The following PLCL1 variants were observed in gnomAD, a reference collection of about 807,000 sequenced individuals.
The protein encoded by PLCL1 is phospholipase C like 1 (inactive), also known as inactive phospholipase C-like protein 1.
PLCL1 carries 41 observed loss-of-function variants against 84.4 expected under a neutral mutation model. That is an observed-to-expected ratio of 0.49 (90% CI 0.38 to 0.63). PLCL1 has a LOEUF of 0.63. Ranked by LOEUF, PLCL1 falls within the 30% of genes least tolerant of loss-of-function variation. PLCL1 has a pLI of 0.00. For synonymous variants in PLCL1, 490 were observed against 488.3 expected (o/e 1.00, Z -0.05); for missense variants, 1,206 against 1,367.8 (o/e 0.88, Z 1.87).
intron 5 of PLCL1, among the ~76,000 whole-genome samples, chr2:198,106,280 G>C (rs554508675): frequency 3.7e-4 from 57 of 152,026 alleles, no homozygotes; most frequent in Middle Eastern, 3.4e-3. Flanking sequence ...AAAGTGTTAG[G>C]TTAGCTGTAA....
At chr2:197,991,529 C>A (rs995052758) in intron 1 of PLCL1, among the ~76,000 whole-genome samples, 1 of 152,114 alleles carries the variant, frequency 6.6e-6, no homozygotes, top group Non-Finnish European at 1.5e-5. Flanking sequence ...TTGTCACCCA[C>A]TTTTGTTCTT....
intron 2 of PLCL1, among the ~76,000 whole-genome samples, chr2:198,087,160 G>A (rs1462859490): frequency 6.6e-6 from 1 of 152,084 alleles, no homozygotes; most frequent in African/African-American, 2.4e-5. Flanking sequence ...ATCCCTGTGC[G>A]ATCTTGAACA....
At chr2:198,124,592 G>A (rs992834478) in intron 5 of PLCL1, among the ~76,000 whole-genome samples, 1 of 152,084 alleles carries the variant, frequency 6.6e-6, no homozygotes, top group Non-Finnish European at 1.5e-5. Flanking sequence ...GAATTCAGTG[G>A]CACTCAATTA....
intron 1 of PLCL1, among the ~76,000 whole-genome samples, chr2:197,924,558 G>A (rs1688796736): frequency 6.6e-6 from 1 of 151,880 alleles, no homozygotes; most frequent in African/African-American, 2.4e-5. Context: ...CAACCCATGA[G>A]CAATACTATT....
chr2:197,965,956 C>G (rs1014018218), intron 1 of PLCL1, among the ~76,000 whole-genome samples: 1 of 152,036 alleles, frequency 6.6e-6, no homozygotes, highest in Admixed American at 6.5e-5. Flanking sequence ...CCACTCTTGA[C>G]TATTCAGGGC....
At chr2:197,980,732 T>G (rs1163544627) in intron 1 of PLCL1, among the ~76,000 whole-genome samples, 1 of 152,176 alleles carries the variant, frequency 6.6e-6, no homozygotes, top group African/African-American at 2.4e-5. Flanking sequence ...TAATATCAGA[T>G]CATAAAAATG....
chr2:198,136,834 C>CT (rs550936583), intron 5 of PLCL1, among the ~76,000 whole-genome samples: 4 of 152,068 alleles, frequency 2.6e-5, no homozygotes, highest in Non-Finnish European at 5.9e-5. Context: ...AAAACCAGTC[C>CT]TTTTTTCCAG....
chr2:198,085,044 G>C lies in PLCL1; in HGVS notation c.1527G>C (p.Lys509Asn). 6.2e-7 allele frequency: 1 copy of C among 1,613,912 alleles called. No individual in the cohort carries two copies. Among genetic ancestry groups the C allele is most frequent in the Non-Finnish European group, 8.5e-7 (1 of 1,179,956 alleles). ...AGGTAATGGCTCAACAGATGAAAAA[G>C]GTCTTTGGCAATAAACTCTATACTG... ...QQKVMAQQMK[K>N]VFGNKLYTEA... Residue 509 changes from lysine to asparagine, a missense_variant, in exon 2 of 6, where the codon AAG becomes AAC. Transcript: ENST00000428675. The surrounding 1 kb of genome is among the most constrained non-coding windows in gnomAD (Gnocchi z 5.3).
intron 1 of PLCL1, among the ~76,000 whole-genome samples, chr2:198,019,785 G>T (rs1262186205): frequency 6.6e-6 from 1 of 152,226 alleles, no homozygotes; most frequent in Admixed American, 6.5e-5. Context: ...AAGTGACAAG[G>T]AGAATAGAAC....
chr2:198,082,813 T>TACA (rs772221888), intron 1 of PLCL1, among the ~76,000 whole-genome samples: 1 of 152,250 alleles, frequency 6.6e-6, no homozygotes, highest in East Asian at 1.9e-4. Context: ...AAGGCCTAGA[T>TACA]ACAATCAAGA....
rs200820595 is a variant in PLCL1, at chr2:198,085,045, G to A, written c.1528G>A (p.Val510Ile). The change falls in exon 2 of 6, where the codon GTC (valine) becomes ATC (isoleucine). Residue 510 changes from valine (V) to isoleucine (I), a missense_variant. Physicochemically the swap from Val to Ile is conservative, Grantham distance 29. Transcript: ENST00000428675. This position sits in a 1 kb window ranked among gnomAD's most constrained non-coding sequence, Gnocchi z 5.3. ...QKVMAQQMKK[V>I]FGNKLYTEAP... ...GGTAATGGCTCAACAGATGAAAAAG[G>A]TCTTTGGCAATAAACTCTATACTGA... 291 of 1,613,896 alleles carry A rather than the reference G, an allele frequency of 1.8e-4. No homozygotes were observed. Among genetic ancestry groups the A allele is most frequent in the Admixed American group, 5.0e-4 (30 of 59,974 alleles).
chr2:198,128,676 C>T (rs767676262), intron 5 of PLCL1, among the ~76,000 whole-genome samples: 3 of 152,142 alleles, frequency 2.0e-5, no homozygotes, highest in Non-Finnish European at 4.4e-5. Flanking sequence ...TTGTAGCCTC[C>T]AGCTGCATGA....
chr2:197,934,753 A>G (rs1257397619), intron 1 of PLCL1, among the ~76,000 whole-genome samples: 1 of 152,228 alleles, frequency 6.6e-6, no homozygotes, highest in Non-Finnish European at 1.5e-5. Flanking sequence ...AAATTAACAT[A>G]TCAGTCACCT....
intron 1 of PLCL1, among the ~76,000 whole-genome samples, chr2:197,898,578 C>A (rs1046332083): frequency 1.3e-5 from 2 of 151,684 alleles, no homozygotes; most frequent in East Asian, 1.9e-4. Flanking sequence ...GCATCATGCC[C>A]AAGAGAACCC....
chr2:197,864,370 CTA>C (rs994650906), intron 1 of PLCL1, among the ~76,000 whole-genome samples: 13 of 146,846 alleles, frequency 8.9e-5, no homozygotes, highest in African/African-American at 3.3e-4. Context: ...TTTTGTTTCT[CTA>C]TGTTTCATTT....
intron 1 of PLCL1, among the ~76,000 whole-genome samples, chr2:197,999,365 T>A (rs1314511959): frequency 6.6e-6 from 1 of 152,248 alleles, no homozygotes; most frequent in Non-Finnish European, 1.5e-5. Context: ...TGTAGTTTAG[T>A]AGTAGCAGTG....
intron 1 of PLCL1, among the ~76,000 whole-genome samples, chr2:198,052,984 A>C (rs915885109): frequency 2.0e-5 from 3 of 152,204 alleles, no homozygotes; most frequent in African/African-American, 7.2e-5. Flanking sequence ...TTGTAGCTGA[A>C]GGGCAACTGA....
chr2:197,918,301 C>G (rs1688633644), intron 1 of PLCL1, among the ~76,000 whole-genome samples: 1 of 152,088 alleles, frequency 6.6e-6, no homozygotes, highest in South Asian at 2.1e-4. Context: ...GAATGAGAAA[C>G]TATCACAGCC....
intron 1 of PLCL1, among the ~76,000 whole-genome samples, chr2:197,960,775 G>C (rs1328477537): frequency 6.6e-6 from 1 of 152,004 alleles, no homozygotes; most frequent in Non-Finnish European, 1.5e-5. Context: ...ATTGTCATTA[G>C]GGAATTGAGA....
Sources: gnomAD v4.1 joint callset for allele counts (sites outside exome capture counted in the v4.1 genomes callset) on GRCh38, gnomAD v4.1.1 for gene constraint, Gnocchi (gnomAD v3.1) non-coding constraint, MANE v1.5 for transcripts, NCBI Gene and HGNC (gene_info 2026-07-23, HGNC 2026-07-21) for gene names.